Variants in AHCTF1 observed in about 807,000 individuals in gnomAD.
The protein encoded by AHCTF1 is AT-hook containing transcription factor 1, also known as protein ELYS.
In AHCTF1, 24 loss-of-function variants were observed where a neutral mutation model predicts 248.4. The ratio of observed to expected loss-of-function variants is 0.10; its 90% CI spans 0.07 to 0.14. The LOEUF (loss-of-function observed/expected upper bound fraction) is 0.14, where lower values mean the gene tolerates loss of function less well. Ranked by LOEUF, AHCTF1 falls within the 10% of genes least tolerant of loss-of-function variation. AHCTF1 has a pLI of 1.00. For missense variants in AHCTF1, 2,206 were observed against 2,636.2 expected, an observed-to-expected ratio of 0.84 and a Z score of 3.57; for synonymous variants, 786 against 929.8, an observed-to-expected ratio of 0.85 and a Z score of 2.81.
At position 246,839,593 on chromosome 1, in the gene AHCTF1, C is replaced by T; in HGVS notation, c.*1213G>A. Reference sequence around the variant, plus strand: ...TCAACACTTTGCGTAGGCATTTTCACCAATTTCTCATTATCTGTATTATTT... The same window carrying T: ...TCAACACTTTGCGTAGGCATTTTCATCAATTTCTCATTATCTGTATTATTT... On this transcript the variant is annotated 3_prime_UTR_variant, in exon 36 of 36. Transcript: ENST00000648844. The T allele has an allele frequency of 1.0e-6, 1 of 985,352 alleles. No homozygotes were observed. The highest frequency in any genetic ancestry group is 1.2e-6 in the Non-Finnish European group (1 of 829,466). The allele number at this position is 985,352 out of a possible 1,614,324, so 61.0% of individuals were successfully genotyped here. A position where few individuals can be genotyped will look rare whatever the true frequency, so the allele number is the denominator to read the frequency against.
At chr1:246,897,003 C>A (rs1664629225) in intron 12 of AHCTF1, among the ~76,000 whole-genome samples, 1 of 152,146 alleles carries the variant, frequency 6.6e-6, no homozygotes, top group Admixed American at 6.5e-5. Flanking sequence ...AGAAGTTCTA[C>A]CACATTGCAA....
chr1:246,868,536 G>A (rs1662208318), intron 24 of AHCTF1, among the ~76,000 whole-genome samples: 1 of 151,346 alleles, frequency 6.6e-6, no homozygotes, highest in Admixed American at 6.6e-5. Flanking sequence ...ATAGAGGTGT[G>A]AGCCACCGGC....
intron 23 of AHCTF1, 82 bp from the exon 24 acceptor site, chr1:246,876,269 A>T: frequency 8.1e-7 from 1 of 1,236,950 alleles, no homozygotes; most frequent in Non-Finnish European, 1.1e-6. Context: ...TTAAAATAAA[A>T]CTATGAATAT....
intron 32 of AHCTF1, among the ~76,000 whole-genome samples, chr1:246,852,327 TAAG>T (rs1660766803): frequency 6.6e-6 from 1 of 152,066 alleles, no homozygotes; most frequent in Non-Finnish European, 1.5e-5. Context: ...TTTTATGAGT[TAAG>T]AAACTTCCCA....
chr1:246,913,475 T>C (rs1558274059), intron 3 of AHCTF1, 63 bp from the exon 4 acceptor site: 1 of 1,480,342 alleles, frequency 6.8e-7, no homozygotes, highest in East Asian at 2.3e-5. Flanking sequence ...ATTAACACAA[T>C]AAATTTAAGT....
chr1:246,844,700 G>C (rs1660120185), intron 33 of AHCTF1, among the ~76,000 whole-genome samples: 1 of 152,074 alleles, frequency 6.6e-6, no homozygotes, highest in Non-Finnish European at 1.5e-5. Flanking sequence ...CTCCAGCCTG[G>C]GTAACAGAGT....
At chr1:246,891,588 G>T (rs1416074214) in intron 15 of AHCTF1, among the ~76,000 whole-genome samples, 191 bp downstream of exon 15, 1 of 151,864 alleles carries the variant, frequency 6.6e-6, no homozygotes, top group African/African-American at 2.4e-5. Context: ...TTTAAGCATG[G>T]GCTCATGGCA....
At chr1:246,904,493 C>G (rs538472186) in intron 6 of AHCTF1, among the ~76,000 whole-genome samples, 1 of 152,248 alleles carries the variant, frequency 6.6e-6, no homozygotes, top group Admixed American at 6.5e-5. Flanking sequence ...ATCCTTTATG[C>G]CTTCATCCTG....
chr1:246,879,689 G>T (rs1209575999), intron 21 of AHCTF1, among the ~76,000 whole-genome samples: 1 of 151,950 alleles, frequency 6.6e-6, no homozygotes, highest in Non-Finnish European at 1.5e-5. Flanking sequence ...TTAGCAAGGC[G>T]TGGTGGTGCA....
Position 246,913,269 on chromosome 1 carries a change from A to G in AHCTF1, c.519T>C (p.Asp173=), listed in dbSNP as rs1166006518. 4 of 1,611,160 alleles carry G rather than the reference A, an allele frequency of 2.5e-6. No individual in the cohort carries two copies. Among genetic ancestry groups the G allele is most frequent in the Non-Finnish European group, 3.4e-6 (4 of 1,178,356 alleles). ...CTTCATTTTGATTGCATGACAAGTC[A>G]TCCAAACATAGGTCAACAAGAAGGA... The part of the protein sequence containing the change: ...GQILLVDLCL[D]DLSCNQNEVE... The change falls in exon 4 of 36, where the codon GAT becomes GAC. Residue 173 remains aspartate (D), a synonymous_variant. Transcript: ENST00000648844.
chr1:246,852,753 A>G (rs557772693), intron 32 of AHCTF1, among the ~76,000 whole-genome samples: 188 of 152,012 alleles, frequency 1.2e-3, no homozygotes, highest in Non-Finnish European at 1.9e-3. Context: ...AAACCAGTTT[A>G]TTTATTTATT....
At chr1:246,851,484 T>C (rs1364825098) in intron 32 of AHCTF1, 42 bp from the exon 33 acceptor site, 5 of 1,522,568 alleles carry the variant, frequency 3.3e-6, no homozygotes, top group Admixed American at 2.2e-5. Flanking sequence ...AGAATTTTAA[T>C]ACATGTTTTA....
intron 1 of AHCTF1, among the ~76,000 whole-genome samples, chr1:246,928,779 T>C (rs1667126970): frequency 6.6e-6 from 1 of 152,250 alleles, no homozygotes; most frequent in Non-Finnish European, 1.5e-5. Flanking sequence ...AACCACTTTG[T>C]ATGCAATGGT....
At chr1:246,914,435 G>T (rs1442587008) in intron 3 of AHCTF1, among the ~76,000 whole-genome samples, 4 of 152,172 alleles carry the variant, frequency 2.6e-5, no homozygotes, top group African/African-American at 9.7e-5. Flanking sequence ...ACAGACAAAA[G>T]CCTGGCTCTT....
Position 246,905,495 on chromosome 1 carries a change from TC to T in AHCTF1, c.881+45del, listed in dbSNP as rs779094017. 48 of 1,504,682 alleles carry T rather than the reference TC, an allele frequency of 3.2e-5. 1 individual carries two copies. The African/African-American group carries it at 4.7e-4, about 15-fold the overall frequency. 93.2% of individuals were successfully genotyped at this position (1,504,682 alleles called of 1,614,324 possible). ...CTGGACAACAGAGCGAGACTCTGTC[TC>T]CAAAAAAACAAAACAAAACAAAACA... On this transcript the variant is annotated intron_variant, in intron 6 of 35. Transcript: ENST00000648844.
intron 27 of AHCTF1, among the ~76,000 whole-genome samples, chr1:246,863,497 A>G (rs571110488): frequency 2.6e-5 from 4 of 152,248 alleles, no homozygotes; most frequent in Non-Finnish European, 5.9e-5. Flanking sequence ...GGCAGTTTAA[A>G]GAGGGATAAA....
intron 27 of AHCTF1, among the ~76,000 whole-genome samples, chr1:246,863,386 AC>A (rs1375363561): frequency 2.0e-5 from 3 of 151,838 alleles, no homozygotes; most frequent in Admixed American, 6.6e-5. Flanking sequence ...AAAAAAAAAA[AC>A]AAAACTTTAA....
intron 30 of AHCTF1, among the ~76,000 whole-genome samples, chr1:246,856,740 A>T (rs761375620): frequency 1.4e-4 from 21 of 152,252 alleles, no homozygotes; most frequent in Non-Finnish European, 2.8e-4. Flanking sequence ...TTTTCCATGC[A>T]GGCCTGGCAA....
At chr1:246,859,388 CTT>C (rs1336086915) in intron 29 of AHCTF1, among the ~76,000 whole-genome samples, 1 of 152,168 alleles carries the variant, frequency 6.6e-6, no homozygotes, top group African/African-American at 2.4e-5. Context: ...CCCTGGCCCT[CTT>C]GTTAACCAAA....
Sources: allele counts gnomAD v4.1 joint callset (sites outside exome capture counted in the v4.1 genomes callset), GRCh38; gene constraint gnomAD v4.1.1; transcripts MANE v1.5; gene names NCBI Gene and HGNC (gene_info 2026-07-23, HGNC 2026-07-21).